Variants in MAML3 observed in about 807,000 individuals in gnomAD.
The protein encoded by MAML3 is mastermind like transcriptional coactivator 3.
Under a neutral mutation model 101.9 loss-of-function variants are expected in MAML3, and 27 were observed. The ratio of observed to expected loss-of-function variants is 0.27; its 90% CI spans 0.20 to 0.37. The LOEUF is 0.37. Among genes scored for constraint, MAML3 ranks in the 10% least tolerant of loss-of-function variants. The pLI is 1.00. For synonymous variants in MAML3, 501 were observed against 555.9 expected (o/e 0.90, Z 1.39); for missense variants, 1,316 against 1,444.9 (o/e 0.91, Z 1.45).
chr4:139,753,340 T>TAATC (rs1344859262), intron 2 of MAML3, among the ~76,000 whole-genome samples: 70 of 113,054 alleles, frequency 6.2e-4, no homozygotes, highest in Admixed American at 4.7e-3. Context: ...CTTTTCTTTT[T>TAATC]AATCTATCTA....
intron 1 of MAML3, among the ~76,000 whole-genome samples, chr4:140,065,357 C>T (rs895966860): frequency 5.3e-5 from 8 of 151,346 alleles, no homozygotes; most frequent in East Asian, 1.9e-4. Flanking sequence ...TTTATAGAAG[C>T]GGAAAGAAAA....
intron 2 of MAML3, among the ~76,000 whole-genome samples, chr4:139,852,785 T>C (rs1463894976): frequency 6.6e-6 from 1 of 152,130 alleles, no homozygotes; most frequent in Admixed American, 6.6e-5. Context: ...TCCAGGAACG[T>C]CACATTTGCC....
chr4:140,122,873 G>A (rs955219998), intron 1 of MAML3, among the ~76,000 whole-genome samples: 3 of 150,806 alleles, frequency 2.0e-5, no homozygotes, highest in South Asian at 4.2e-4. Context: ...TAGTTAACTT[G>A]AAGTAAATAT....
In MAML3 at chr4:140,134,585, G is replaced by A. The variant is rs527748424; in HGVS notation, c.468+18275C>T. On this transcript the variant is annotated intron_variant, in intron 1 of 4. Coordinates refer to ENST00000509479, the MANE Select transcript of MAML3 (RefSeq NM_018717.5). ...AGCCCAGTGTTAAAATATAAACTCC[G>A]ATGAGTGATTAGAAAAACACCACAG... 44 of 334,314 alleles carry A rather than the reference G, an allele frequency of 1.3e-4. No individual in the cohort carries two copies. In the East Asian group the frequency reaches 2.8e-3, roughly 22 times the overall value. 20.7% of individuals were successfully genotyped at this position (334,314 alleles called of 1,614,324 possible).
chr4:139,850,313 C>T (rs1294874721), intron 2 of MAML3, among the ~76,000 whole-genome samples: 1 of 152,186 alleles, frequency 6.6e-6, no homozygotes, highest in Non-Finnish European at 1.5e-5. Flanking sequence ...TCCAGTTAAT[C>T]TCACTCTGCA....
chr4:139,812,399 G>A (rs762576686), intron 2 of MAML3, among the ~76,000 whole-genome samples: 19 of 152,136 alleles, frequency 1.2e-4, no homozygotes, highest in Non-Finnish European at 1.6e-4. Flanking sequence ...CCCTCATTCC[G>A]TGCATAGTAC....
intron 1 of MAML3, among the ~76,000 whole-genome samples, chr4:140,002,881 G>A (rs1475093280): frequency 6.6e-6 from 1 of 152,184 alleles, no homozygotes; most frequent in Non-Finnish European, 1.5e-5. Context: ...ATTCCCAAGG[G>A]ACCTACTTTA....
chr4:140,094,582 AC>A (rs1728121379), intron 1 of MAML3, among the ~76,000 whole-genome samples: 1 of 152,178 alleles, frequency 6.6e-6, no homozygotes, highest in Non-Finnish European at 1.5e-5. Context: ...TTAAGTCATC[AC>A]CCTGACCCAT....
chr4:139,891,176 G>C (rs1418033385), intron 1 of MAML3, among the ~76,000 whole-genome samples: 2 of 152,168 alleles, frequency 1.3e-5, no homozygotes, highest in African/African-American at 4.8e-5. Context: ...ACAGGGCTAA[G>C]AGATAGAAAA....
Position 140,090,935 on chromosome 4 carries a change from G to A in MAML3, c.468+61925C>T, listed in dbSNP as rs140263480. On this transcript the variant is annotated intron_variant, in intron 1 of 4. Transcript: ENST00000509479. ...CATGGTGGCAAGTGCGTGTAATTTC[G>A]GCTACTTGGAAGGCTGAGGCAGGAG... Among the ~76,000 whole-genome samples the A allele has an allele frequency of 6.6e-3, 1,006 of 152,108 alleles. 9 individuals are homozygous for A. Among genetic ancestry groups the A allele is most frequent in the Non-Finnish European group, 8.4e-3 (568 of 68,000 alleles).
intron 2 of MAML3, among the ~76,000 whole-genome samples, chr4:139,798,339 T>C (rs1226732049): frequency 6.6e-6 from 1 of 152,228 alleles, no homozygotes; most frequent in Admixed American, 6.5e-5. Flanking sequence ...TCACCATCTT[T>C]AAATGGTCGA....
chr4:139,993,551 C>T (rs764780839), intron 1 of MAML3, among the ~76,000 whole-genome samples: 6 of 151,596 alleles, frequency 4.0e-5, no homozygotes, highest in South Asian at 2.1e-4. Flanking sequence ...TTTGGCCTGG[C>T]GCAGTGGCTC....
At chr4:140,152,292 G>T (rs536748698) in intron 1 of MAML3, among the ~76,000 whole-genome samples, 31 of 152,212 alleles carry the variant, frequency 2.0e-4, no homozygotes, top group Non-Finnish European at 2.9e-4. Context: ...CAGCCCAAAG[G>T]GGGTGAGCTG....
chr4:139,902,398 G>T (rs751229523), intron 1 of MAML3, among the ~76,000 whole-genome samples: 3 of 152,170 alleles, frequency 2.0e-5, no homozygotes, highest in Non-Finnish European at 4.4e-5. Context: ...AACCTGAGGG[G>T]GCTTAGGGAC....
rs1397533898 is a variant in MAML3, at chr4:139,997,059, A to AAAT, written c.469-106095_469-106093dup. Reference sequence around the variant, plus strand: ...TGACAGAGCAAGACTCCGTCTCAAGAAATAATAATAATAATAAATAAAATA... The same window carrying AAAT: ...TGACAGAGCAAGACTCCGTCTCAAGAAATAATAATAATAATAATAAATAAAATA... On this transcript the variant is annotated intron_variant, in intron 1 of 4. Transcript: ENST00000509479. Among the ~76,000 whole-genome samples, 13 of 150,228 alleles carry AAAT rather than the reference A, an allele frequency of 8.7e-5. No homozygotes were observed. The East Asian group carries it at 1.6e-3, about 18-fold the overall frequency.
At position 140,101,834 on chromosome 4, in the gene MAML3, G is replaced by A. The variant is rs542681109; in HGVS notation, c.468+51026C>T. On this transcript the variant is annotated intron_variant, in intron 1 of 4. Transcript: ENST00000509479. The stretch of plus-strand genomic sequence containing the variant: ...TAAATTAGTAAATGCAATTCCACGT[G>A]CTGGGTCAGCTGAGCATTTTTTTTT... 3.3e-5 allele frequency among the ~76,000 whole-genome samples: 5 copies of A among 151,402 alleles called. No individual in the cohort carries two copies. The East Asian group carries it at 9.7e-4, about 29-fold the overall frequency.
intron 2 of MAML3, among the ~76,000 whole-genome samples, chr4:139,843,963 C>A (rs186745798): frequency 6.6e-6 from 1 of 152,144 alleles, no homozygotes; most frequent in East Asian, 1.9e-4. Flanking sequence ...TATTGCACTG[C>A]GCTGACATTT....
intron 1 of MAML3, among the ~76,000 whole-genome samples, chr4:139,955,960 G>A (rs1267276457): frequency 6.6e-6 from 1 of 152,190 alleles, no homozygotes; most frequent in Non-Finnish European, 1.5e-5. Context: ...GAAATATAGA[G>A]GGAATATTTG....
chr4:140,082,322 T>C (rs901238768), intron 1 of MAML3, among the ~76,000 whole-genome samples: 2 of 152,214 alleles, frequency 1.3e-5, no homozygotes, highest in Non-Finnish European at 1.5e-5. Context: ...GAAATTCTTC[T>C]CGTTTTCCTT....
Sources: gnomAD v4.1 joint callset for allele counts (sites outside exome capture counted in the v4.1 genomes callset) on GRCh38, gnomAD v4.1.1 for gene constraint, MANE v1.5 for transcripts, NCBI Gene and HGNC (gene_info 2026-07-23, HGNC 2026-07-21) for gene names.